The following ATP8A1 variants were observed in gnomAD, a reference collection of about 807,000 sequenced individuals.
ATP8A1 encodes ATPase phospholipid transporting 8A1, also known as phospholipid-transporting ATPase IA.
ATP8A1 carries 90 observed loss-of-function variants against 177.7 expected under a neutral mutation model. The observed-to-expected ratio is 0.51, with a 90% CI of 0.43 to 0.60. ATP8A1 has a LOEUF of 0.60. Among genes scored for constraint, ATP8A1 ranks in the 20% least tolerant of loss-of-function variants. ATP8A1 has a pLI of 0.00. For missense variants in ATP8A1, 1,072 were observed against 1,392.8 expected, an observed-to-expected ratio of 0.77 and a Z score of 3.67; for synonymous variants, 493 against 485.9, an observed-to-expected ratio of 1.01 and a Z score of -0.19.
intron 22 of ATP8A1, among the ~76,000 whole-genome samples, chr4:42,519,649 T>G (rs925136496): frequency 2.0e-5 from 3 of 152,120 alleles, no homozygotes; most frequent in East Asian, 3.9e-4. Context: ...GTTATTTAAA[T>G]AGATCACCAA....
chr4:42,636,119 T>TACACACACACACACAC (rs544619447), intron 1 of ATP8A1, among the ~76,000 whole-genome samples: 1 of 79,048 alleles, frequency 1.3e-5, no homozygotes, highest in South Asian at 4.7e-4. Context: ...ATGGGCTTAA[T>TACACACACACACACAC]ACACACACAC....
intron 1 of ATP8A1, among the ~76,000 whole-genome samples, chr4:42,656,352 C>G (rs559718243): frequency 6.6e-6 from 1 of 152,330 alleles, no homozygotes; most frequent in South Asian, 2.1e-4. Flanking sequence ...CACCCGACCC[C>G]GATGAAGGCT....
chr4:42,465,089 C>G lies in ATP8A1; in HGVS notation c.2325-13G>C. On this transcript the variant is annotated splice_polypyrimidine_tract_variant and intron_variant, in intron 25 of 36. Coordinates refer to ENST00000381668, the MANE Select transcript of ATP8A1 (RefSeq NM_006095.2). ...AAGAGGAGAAACCCTGAAATTGAAA[C>G]ACATTATCAATTACTGTTTTCTGAA... 6.2e-7 allele frequency: 1 copy of G among 1,604,218 alleles called. No individual in the cohort carries two copies. Among genetic ancestry groups the G allele is most frequent in the Non-Finnish European group, 8.5e-7 (1 of 1,172,926 alleles).
At chr4:42,453,894 C>G (rs1718205438) in intron 29 of ATP8A1, among the ~76,000 whole-genome samples, 1 of 152,080 alleles carries the variant, frequency 6.6e-6, no homozygotes, top group African/African-American at 2.4e-5. Flanking sequence ...GGCTTGCCAT[C>G]ATTTGTGAAT....
In ATP8A1 at chr4:42,574,688, T is replaced by C; in HGVS notation, c.1226A>G (p.Asp409Gly). ...ATTGCATGTCAGAGTACCAGTTTTGTCAGAAAATATGTATTTAACCTAAAA... is the reference window on the plus strand; with the variant it reads ...ATTGCATGTCAGAGTACCAGTTTTGCCAGAAAATATGTATTTAACCTAAAA... ...ELGQVKYIFS[D>G]KTGTLTCNVM... The change falls in exon 14 of 37, where the codon GAC becomes GGC. Residue 409 changes from aspartate to glycine, a missense_variant. Asp to Gly is a moderately conservative substitution (Grantham distance 94). Transcript: ENST00000381668. 1 of 1,606,280 alleles carries C rather than the reference T, an allele frequency of 6.2e-7. No homozygotes were observed. Among genetic ancestry groups the C allele is most frequent in the Non-Finnish European group, 8.5e-7 (1 of 1,177,872 alleles).
At chr4:42,456,610 C>A (rs6819493) in intron 27 of ATP8A1, among the ~76,000 whole-genome samples, 23,389 of 152,048 alleles carry the variant, frequency 0.15, 2,222 homozygotes, top group South Asian at 0.24. Flanking sequence ...AACAATAGTA[C>A]CTACGTTATT....
At chr4:42,584,302 A>G (rs1702377365) in intron 9 of ATP8A1, among the ~76,000 whole-genome samples, 1 of 152,206 alleles carries the variant, frequency 6.6e-6, no homozygotes, top group African/African-American at 2.4e-5. Context: ...GGGAAGCAGG[A>G]AAGACTTCAC....
chr4:42,451,660 A>G (rs1422315928), intron 30 of ATP8A1, among the ~76,000 whole-genome samples: 1 of 152,234 alleles, frequency 6.6e-6, no homozygotes, highest in Non-Finnish European at 1.5e-5. Flanking sequence ...AGGTATAATA[A>G]ATAGGCTACA....
intron 30 of ATP8A1, among the ~76,000 whole-genome samples, chr4:42,447,583 A>C (rs1005177735): frequency 5.3e-5 from 8 of 152,226 alleles, no homozygotes; most frequent in African/African-American, 1.9e-4. Flanking sequence ...TGAATAATTA[A>C]ATCATTGATA....
At chr4:42,635,512 G>T (rs1450249359) in intron 1 of ATP8A1, among the ~76,000 whole-genome samples, 2 of 151,742 alleles carry the variant, frequency 1.3e-5, no homozygotes, top group African/African-American at 2.4e-5. Flanking sequence ...AACAGTCAAA[G>T]AATCTAATAA....
intron 1 of ATP8A1, among the ~76,000 whole-genome samples, chr4:42,649,741 T>C (rs1248560298): frequency 6.6e-6 from 1 of 152,178 alleles, no homozygotes; most frequent in Non-Finnish European, 1.5e-5. Context: ...TTTGGGGTGC[T>C]AAGGTTTCAG....
chr4:42,491,964 G>A (rs1722783273), intron 24 of ATP8A1, among the ~76,000 whole-genome samples: 1 of 151,978 alleles, frequency 6.6e-6, no homozygotes, highest in Non-Finnish European at 1.5e-5. Context: ...GAGCAGAGAC[G>A]AGGTGAAAAT....
chr4:42,648,372 G>C (rs112136371), intron 1 of ATP8A1, among the ~76,000 whole-genome samples: 7 of 151,924 alleles, frequency 4.6e-5, no homozygotes, highest in African/African-American at 1.7e-4. Context: ...CGGGTGGGGT[G>C]GGGGGAAGGG....
intron 31 of ATP8A1, among the ~76,000 whole-genome samples, chr4:42,446,078 C>G: frequency 7.8e-5 from 1 of 12,812 alleles, no homozygotes; most frequent in Non-Finnish European, 1.5e-4. Context: ...GAAACGCCCT[C>G]TCAAAAAAAA....
intron 15 of ATP8A1, among the ~76,000 whole-genome samples, chr4:42,556,517 A>G (rs1730251930): frequency 1.3e-5 from 2 of 152,254 alleles, no homozygotes; most frequent in East Asian, 1.9e-4. Flanking sequence ...AACCATTTAC[A>G]GATTATATCA....
At chr4:42,555,250 A>G (rs1187818172) in intron 16 of ATP8A1, among the ~76,000 whole-genome samples, 1 of 151,372 alleles carries the variant, frequency 6.6e-6, no homozygotes, top group Non-Finnish European at 1.5e-5. Flanking sequence ...GTAACTTCAT[A>G]AGCAGGATTT....
At chr4:42,451,198 G>A (rs1228292488) in intron 30 of ATP8A1, among the ~76,000 whole-genome samples, 6 of 152,154 alleles carry the variant, frequency 3.9e-5, no homozygotes, top group Admixed American at 3.9e-4. Context: ...GCAGCAGCAG[G>A]CAGCACTCTC....
intron 24 of ATP8A1, among the ~76,000 whole-genome samples, chr4:42,488,471 T>A (rs979720211): frequency 1.4e-4 from 21 of 152,100 alleles, no homozygotes; most frequent in African/African-American, 4.6e-4. Flanking sequence ...CCCACACCAG[T>A]CCCTCTGTTG....
chr4:42,524,218 A>C (rs1277941156), intron 21 of ATP8A1, among the ~76,000 whole-genome samples: 4 of 152,178 alleles, frequency 2.6e-5, no homozygotes, highest in Non-Finnish European at 4.4e-5. Context: ...AAGCTTGTTT[A>C]TCCTATTTTG....
Sources: gnomAD v4.1 joint callset for allele counts (sites outside exome capture counted in the v4.1 genomes callset) on GRCh38, gnomAD v4.1.1 for gene constraint, MANE v1.5 for transcripts, NCBI Gene and HGNC (gene_info 2026-07-23, HGNC 2026-07-21) for gene names.